LRP11: variants seen among roughly 807,000 people sequenced by gnomAD.
LRP11 encodes LDL receptor related protein 11.
In LRP11, 25 loss-of-function variants were observed where a neutral mutation model predicts 43.1. The observed-to-expected ratio is 0.58, with a 90% CI of 0.42 to 0.81. The LOEUF (loss-of-function observed/expected upper bound fraction) is 0.81, where lower values mean the gene tolerates loss of function less well. Among genes scored for constraint, LRP11 ranks in the 30% least tolerant of loss-of-function variants. The pLI is 0.00. For synonymous variants in LRP11, 316 were observed against 299.4 expected (o/e 1.06, Z -0.57); for missense variants, 623 against 665.1 (o/e 0.94, Z 0.70).
chr6:149,856,144 G>T (rs142913752), intron 1 of LRP11, among the ~76,000 whole-genome samples: 102 of 152,262 alleles, frequency 6.7e-4, no homozygotes, highest in African/African-American at 2.4e-3. Flanking sequence ...GTAGACAAAT[G>T]AAAATATGTC....
rs142535254 is a variant in LRP11, at chr6:149,842,656, T to C, written c.913+327A>G. 7,949 of 1,550,976 alleles carry C rather than the reference T, an allele frequency of 5.1e-3. 54 individuals are homozygous for C. Among genetic ancestry groups the C allele is most frequent in the Middle Eastern group, 0.019 (115 of 5,998 alleles). On this transcript the variant is annotated intron_variant, in intron 3 of 6. Coordinates refer to ENST00000239367, the MANE Select transcript of LRP11 (RefSeq NM_032832.6). ...TCCTTAGCTTCCCTCTTGGAACAGA[T>C]GCAGCAAATGGACCATCCATCTGTA...
rs1244590830 is a variant in LRP11 at position 149,864,128 on chromosome 6, C to T, written c.-108G>A. The T allele has an allele frequency of 1.0e-5, 12 of 1,173,168 alleles. No individual in the cohort carries two copies. The highest frequency in any genetic ancestry group is 1.3e-5 in the Non-Finnish European group (12 of 951,352). 72.7% of individuals were successfully genotyped at this position (1,173,168 alleles called of 1,614,324 possible). Reference sequence around the variant, plus strand: ...GCCCCTCCTGCGCGGCCGCGGCTGGCTCTAGGCCCCGGCCTCACAGCGCGG... The same window carrying T: ...GCCCCTCCTGCGCGGCCGCGGCTGGTTCTAGGCCCCGGCCTCACAGCGCGG... On this transcript the variant is annotated 5_prime_UTR_variant, in exon 1 of 7. Transcript: ENST00000239367.
intron 5 of LRP11, among the ~76,000 whole-genome samples, chr6:149,831,703 C>G (rs1435268620): frequency 6.6e-6 from 1 of 152,222 alleles, no homozygotes; most frequent in African/African-American, 2.4e-5. Flanking sequence ...AGGTCTTACT[C>G]TGTCACCCAG....
intron 6 of LRP11, 76 bp downstream of exon 6, chr6:149,826,188 G>T: frequency 8.9e-7 from 1 of 1,122,060 alleles, no homozygotes; most frequent in Non-Finnish European, 1.4e-6. Flanking sequence ...ATGGCCTCAG[G>T]GAATATCCTC....
chr6:149,860,832 C>G (rs968772932), intron 1 of LRP11, among the ~76,000 whole-genome samples: 2 of 152,204 alleles, frequency 1.3e-5, no homozygotes, highest in African/African-American at 4.8e-5. Flanking sequence ...CATAGGAGTT[C>G]AGGCTCCACA....
intron 1 of LRP11, among the ~76,000 whole-genome samples, chr6:149,856,230 C>T (rs897149670): frequency 3.3e-5 from 5 of 152,118 alleles, no homozygotes; most frequent in African/African-American, 4.8e-5. Context: ...ATCAGATAAG[C>T]GCTGAAATAT....
intron 1 of LRP11, among the ~76,000 whole-genome samples, chr6:149,858,234 G>C (rs112620621): frequency 0.012 from 1,771 of 152,238 alleles, 35 homozygotes; most frequent in African/African-American, 0.041. Flanking sequence ...GGTGTGTGAT[G>C]TTCTCCTCCG....
intron 1 of LRP11, 35 bp from the exon 2 acceptor site, chr6:149,853,195 TTTC>T (rs758403827): frequency 8.1e-6 from 12 of 1,489,348 alleles, no homozygotes; most frequent in Non-Finnish European, 9.9e-6. Flanking sequence ...TAAAAGATGA[TTTC>T]TTATTTTTTC....
At chr6:149,835,531 T>C (rs1776460091) in intron 5 of LRP11, among the ~76,000 whole-genome samples, 1 of 152,066 alleles carries the variant, frequency 6.6e-6, no homozygotes, top group Non-Finnish European at 1.5e-5. Context: ...TCATGTGAGT[T>C]TGGGAGGCTG....
Position 149,819,416 on chromosome 6 carries a change from G to A in LRP11, c.*1133C>T, listed in dbSNP as rs909751043. On this transcript the variant is annotated 3_prime_UTR_variant, in exon 7 of 7. Transcript: ENST00000239367. ...GTGTATAATCCCGGCGTTAAGTGATGGTGGGAATGATTTGCCTTTAAAAGC... is the reference window on the plus strand; with the variant it reads ...GTGTATAATCCCGGCGTTAAGTGATAGTGGGAATGATTTGCCTTTAAAAGC... 6.6e-6 allele frequency: 1 copy of A among 152,266 alleles called. No individual in the cohort carries two copies. The highest frequency in any genetic ancestry group is 2.4e-5 in the African/African-American group (1 of 41,420). The allele number at this position is 152,266 out of a possible 1,614,324, so 9.4% of individuals were successfully genotyped here. A position where few individuals can be genotyped will look rare whatever the true frequency, so the allele number is the denominator to read the frequency against.
chr6:149,845,162 T>G (rs1776613735), intron 2 of LRP11, among the ~76,000 whole-genome samples: 1 of 152,194 alleles, frequency 6.6e-6, no homozygotes, highest in Non-Finnish European at 1.5e-5. Context: ...ATTTGTAAAA[T>G]GGAAGTAATA....
At position 149,863,536 on chromosome 6, in the gene LRP11, A is replaced by C; in HGVS notation, c.485T>G (p.Leu162Arg). 2 of 1,358,430 alleles carry C rather than the reference A, an allele frequency of 1.5e-6. No individual in the cohort carries two copies. Among genetic ancestry groups the C allele is most frequent in the Non-Finnish European group, 1.9e-6 (2 of 1,065,232 alleles). 84.1% of individuals were successfully genotyped at this position (1,358,430 alleles called of 1,614,324 possible). A position where few individuals can be genotyped will look rare whatever the true frequency, so the allele number is the denominator to read the frequency against. The change falls in exon 1 of 7, where the codon CTC (leucine) becomes CGC (arginine). Residue 162 changes from leucine to arginine, a missense_variant. By Grantham distance (102) the Leu-to-Arg change is moderately radical (BLOSUM62 -2). Coordinates refer to ENST00000239367, the MANE Select transcript of LRP11 (RefSeq NM_032832.6). The part of the protein sequence containing the change: ...APPAAVLGCY[L>R]FNCTARGRNV... ...GCGGCCGCGCGCCGTGCAGTTGAAG[A>C]GGTAGCAGCCGAGCACGGCTGCCGG...
At chr6:149,844,861 T>C (rs1776608659) in intron 2 of LRP11, among the ~76,000 whole-genome samples, 1 of 152,138 alleles carries the variant, frequency 6.6e-6, no homozygotes, top group Non-Finnish European at 1.5e-5. Flanking sequence ...TTAGATATAA[T>C]GAGATTACCG....
At position 149,854,093 on chromosome 6, in the gene LRP11, T is replaced by A. The variant is rs1776763494; in HGVS notation, c.614-933A>T. On this transcript the variant is annotated intron_variant, in intron 1 of 6. Transcript: ENST00000239367. ...ATAGAAGCCAGCAGGCTCAGATGAC[T>A]ACAACAGCAAAATAAATCTGTATTT... is the stretch of plus-strand genomic sequence containing the variant. Among the ~76,000 whole-genome samples, 4 of 152,182 alleles carry A rather than the reference T, an allele frequency of 2.6e-5. No homozygotes were observed. The South Asian group carries it at 6.2e-4, about 24-fold the overall frequency.
chr6:149,840,436 G>A (rs11968967), intron 3 of LRP11, among the ~76,000 whole-genome samples: 3,767 of 152,192 alleles, frequency 0.025, 140 homozygotes, highest in African/African-American at 0.086. Flanking sequence ...ACCACTCTCT[G>A]CTACTTCAAA....
chr6:149,858,226 T>C lies in LRP11; in HGVS notation c.614-5066A>G, dbSNP rs1235930209. Among the ~76,000 whole-genome samples, 3 of 152,092 alleles carry C rather than the reference T, an allele frequency of 2.0e-5. No homozygotes were observed. The East Asian group carries it at 5.8e-4, about 29-fold the overall frequency. Reference sequence around the variant, plus strand: ...TGACCCCCACCCCGACAGGCCCTGGTGTGTGATGTTCTCCTCCGTGTCCGT... The same window carrying C: ...TGACCCCCACCCCGACAGGCCCTGGCGTGTGATGTTCTCCTCCGTGTCCGT... On this transcript the variant is annotated intron_variant, in intron 1 of 6. Transcript: ENST00000239367.
intron 2 of LRP11, among the ~76,000 whole-genome samples, chr6:149,849,274 T>A (rs575435878): frequency 2.0e-5 from 3 of 152,374 alleles, no homozygotes; most frequent in East Asian, 3.8e-4. Context: ...TGTATTATGT[T>A]TAATAACCAT....
intron 2 of LRP11, among the ~76,000 whole-genome samples, chr6:149,850,300 A>C (rs1776699211): frequency 6.6e-6 from 1 of 152,166 alleles, no homozygotes. Context: ...TCAGAGAAAA[A>C]GGAATTTGAT....
chr6:149,833,414 C>T (rs914006057), intron 5 of LRP11, among the ~76,000 whole-genome samples: 1 of 151,986 alleles, frequency 6.6e-6, no homozygotes, highest in Non-Finnish European at 1.5e-5. Context: ...TTTTTTTCTT[C>T]CCACTTTCTT....
Sources: allele counts gnomAD v4.1 joint callset (sites outside exome capture counted in the v4.1 genomes callset), GRCh38; gene constraint gnomAD v4.1.1; transcripts MANE v1.5; gene names NCBI Gene and HGNC (gene_info 2026-07-23, HGNC 2026-07-21).